MCTP2: variants seen among roughly 807,000 people sequenced by gnomAD.
MCTP2 encodes multiple C2 and transmembrane domain containing 2.
In MCTP2, 132 loss-of-function variants were observed where a neutral mutation model predicts 111.6. The observed-to-expected ratio is 1.18, with a 90% CI of 1.03 to 1.37. MCTP2 has a LOEUF of 1.37. Ranked by LOEUF, MCTP2 falls within the 40% of genes most tolerant of loss-of-function variation. MCTP2 has a pLI of 0.00. For missense variants in MCTP2, 1,183 were observed against 1,067.9 expected (o/e 1.11, Z -1.50); for synonymous variants, 395 against 387.7 (o/e 1.02, Z -0.22).
chr15:94,377,987 A>G (rs555130606), intron 12 of MCTP2, among the ~76,000 whole-genome samples: 2 of 152,110 alleles, frequency 1.3e-5, no homozygotes, highest in Non-Finnish European at 2.9e-5. Flanking sequence ...CTCAGGGGAG[A>G]GGATGTTCAT....
At chr15:94,239,110 T>G (rs2070761407) in intron 1 of MCTP2, among the ~76,000 whole-genome samples, 1 of 152,148 alleles carries the variant, frequency 6.6e-6, no homozygotes, top group African/African-American at 2.4e-5. Flanking sequence ...ATGCTTACTT[T>G]TTTTAAGGTG....
At chr15:94,253,458 A>G (rs955080683) in intron 1 of MCTP2, among the ~76,000 whole-genome samples, 5 of 152,134 alleles carry the variant, frequency 3.3e-5, no homozygotes, top group African/African-American at 4.8e-5. Context: ...AAATTACAAA[A>G]TTCAGCTTCT....
At chr15:94,434,244 A>C (rs898490227) in intron 17 of MCTP2, among the ~76,000 whole-genome samples, 1 of 151,910 alleles carries the variant, frequency 6.6e-6, no homozygotes, top group African/African-American at 2.4e-5. Flanking sequence ...TGAGACTTGC[A>C]GGCACATGCC....
intron 12 of MCTP2, among the ~76,000 whole-genome samples, chr15:94,377,195 A>G (rs1427086268): frequency 6.6e-6 from 1 of 152,166 alleles, no homozygotes; most frequent in East Asian, 1.9e-4. Flanking sequence ...GTTTCATTTA[A>G]TTGTCTGTCT....
intron 1 of MCTP2, among the ~76,000 whole-genome samples, chr15:94,294,218 T>G (rs2075158736): frequency 6.6e-6 from 1 of 152,302 alleles, no homozygotes. Flanking sequence ...AGTGGGGGCC[T>G]GGGAGCGCGT....
At chr15:94,279,698 C>T (rs528069255) in intron 1 of MCTP2, among the ~76,000 whole-genome samples, 1 of 152,196 alleles carries the variant, frequency 6.6e-6, no homozygotes, top group Admixed American at 6.5e-5. Flanking sequence ...TTCTGGTTCT[C>T]AAGGAGAATG....
chr15:94,282,631 A>G (rs965456939), intron 1 of MCTP2, among the ~76,000 whole-genome samples: 7 of 152,234 alleles, frequency 4.6e-5, no homozygotes, highest in Non-Finnish European at 1.0e-4. Context: ...TAGAGTTGCC[A>G]GAGATCTTGC....
chr15:94,290,655 A>C lies in MCTP2; in HGVS notation c.-65-7546A>C, dbSNP rs527340536. 1.0e-3 allele frequency among the ~76,000 whole-genome samples: 152 copies of C among 152,380 alleles called. 1 individual carries two copies. Among genetic ancestry groups the C allele is most frequent in the African/African-American group, 3.6e-3 (148 of 41,592 alleles). The stretch of plus-strand genomic sequence containing the variant: ...ATGTCCTAGCTATGGGCTTTCCATA[A>C]GAAACTCACTTCAAATATATTGTTA... On this transcript the variant is annotated intron_variant, in intron 1 of 22. Transcript: ENST00000357742.
At chr15:94,341,155 T>C (rs529044551) in intron 7 of MCTP2, 1 of 472,550 alleles carries the variant, frequency 2.1e-6, no homozygotes, top group Non-Finnish European at 3.9e-6. Context: ...ATTAAGATGA[T>C]CAGGCATACA....
At chr15:94,326,904 A>G (rs1248240750) in intron 4 of MCTP2, among the ~76,000 whole-genome samples, 2 of 149,316 alleles carry the variant, frequency 1.3e-5, no homozygotes, top group Non-Finnish European at 3.0e-5. Context: ...ATTTGATAGA[A>G]GGAAAGTGTT....
chr15:94,377,562 C>T (rs1352154340), intron 12 of MCTP2, among the ~76,000 whole-genome samples: 5 of 152,106 alleles, frequency 3.3e-5, no homozygotes, highest in African/African-American at 7.2e-5. Flanking sequence ...ACAGAGGAAT[C>T]GCTTCCATAT....
At chr15:94,329,342 T>C (rs952230719) in intron 4 of MCTP2, among the ~76,000 whole-genome samples, 2 of 152,134 alleles carry the variant, frequency 1.3e-5, no homozygotes, top group Non-Finnish European at 2.9e-5. Context: ...ATATACATAG[T>C]GTATTAGTAG....
At chr15:94,369,184 T>A (rs2079356811) in intron 11 of MCTP2, among the ~76,000 whole-genome samples, 1 of 152,248 alleles carries the variant, frequency 6.6e-6, no homozygotes. Flanking sequence ...TTTTTAGGAA[T>A]GATGCATATT....
At chr15:94,324,763 C>T (rs960913945) in intron 4 of MCTP2, among the ~76,000 whole-genome samples, 14 of 152,284 alleles carry the variant, frequency 9.2e-5, no homozygotes, top group African/African-American at 3.1e-4. Flanking sequence ...ATCGCTGTTA[C>T]ATAGCATAAT....
intron 4 of MCTP2, among the ~76,000 whole-genome samples, chr15:94,330,064 T>C (rs1161976897): frequency 3.3e-5 from 5 of 152,262 alleles, no homozygotes; most frequent in African/African-American, 9.6e-5. Context: ...ATGTTTTTTC[T>C]ATGCCTGGCT....
chr15:94,245,511 C>CGTATATGT (rs1483415423), intron 1 of MCTP2, among the ~76,000 whole-genome samples: 1 of 136,254 alleles, frequency 7.3e-6, no homozygotes, highest in Non-Finnish European at 1.6e-5. Flanking sequence ...TATATGTATA[C>CGTATATGT]ATATATGTAT....
intron 10 of MCTP2, among the ~76,000 whole-genome samples, chr15:94,363,480 G>C (rs771800051): frequency 5.3e-5 from 8 of 152,098 alleles, no homozygotes; most frequent in Non-Finnish European, 7.3e-5. Flanking sequence ...TTTCCAGGAA[G>C]ACAGCAAAAC....
At position 94,272,828 on chromosome 15, in the gene MCTP2, C is replaced by T. The variant is rs564348657; in HGVS notation, c.-65-25373C>T. On this transcript the variant is annotated intron_variant, in intron 1 of 22. Coordinates refer to ENST00000357742, the MANE Select transcript of MCTP2 (RefSeq NM_001385001.1). ...AGTGTTGGAGTTCTTTAAGGCTAAT[C>T]GTCATAGTATAAGGCTTTTATATTT... 3.9e-5 allele frequency among the ~76,000 whole-genome samples: 6 copies of T among 152,224 alleles called. No individual in the cohort carries two copies. The South Asian group carries it at 6.2e-4, about 16-fold the overall frequency.
At chr15:94,340,010 G>A (rs1471210470) in intron 5 of MCTP2, among the ~76,000 whole-genome samples, 189 bp from the exon 6 acceptor site, 1 of 152,146 alleles carries the variant, frequency 6.6e-6, no homozygotes, top group Non-Finnish European at 1.5e-5. Flanking sequence ...TAGGCAAAAT[G>A]GGCAAGATTG....
Sources: gnomAD v4.1 joint callset for allele counts (sites outside exome capture counted in the v4.1 genomes callset) on GRCh38, gnomAD v4.1.1 for gene constraint, MANE v1.5 for transcripts, NCBI Gene and HGNC (gene_info 2026-07-23, HGNC 2026-07-21) for gene names.